The following ARHGAP24 variants were observed in gnomAD, a reference collection of about 807,000 sequenced individuals.
ARHGAP24 encodes Rho GTPase activating protein 24.
In ARHGAP24, 50 loss-of-function variants were observed where a neutral mutation model predicts 76.4. That is an observed-to-expected ratio of 0.65 (90% CI 0.52 to 0.83). ARHGAP24 has a LOEUF of 0.83. ARHGAP24 is among the 40% of genes least tolerant of loss of function. The pLI is 0.00. For missense variants in ARHGAP24, 930 were observed against 914.2 expected (o/e 1.02, Z -0.22); for synonymous variants, 345 against 323.3 (o/e 1.07, Z -0.72).
chr4:85,730,551 A>G (rs1725361845), intron 3 of ARHGAP24, among the ~76,000 whole-genome samples: 1 of 151,972 alleles, frequency 6.6e-6, no homozygotes, highest in African/African-American at 2.4e-5. Flanking sequence ...CTGGAACCAC[A>G]AGTTCACACC....
intron 3 of ARHGAP24, among the ~76,000 whole-genome samples, chr4:85,755,639 TTGTTTTG>T (rs1560617414): frequency 1.0e-5 from 1 of 99,452 alleles, no homozygotes; most frequent in African/African-American, 3.0e-5. Context: ...TTGTTTTGTT[TTGTTTTG>T]TTTTGAGACG....
intron 5 of ARHGAP24, among the ~76,000 whole-genome samples, chr4:85,943,497 A>G (rs751386620): frequency 2.6e-5 from 4 of 152,124 alleles, no homozygotes; most frequent in Non-Finnish European, 4.4e-5. Context: ...TCTGGGATAC[A>G]TGAGCAGAAC....
At chr4:85,550,197 C>A (rs186486141) in intron 1 of ARHGAP24, among the ~76,000 whole-genome samples, 1 of 152,050 alleles carries the variant, frequency 6.6e-6, no homozygotes, top group Non-Finnish European at 1.5e-5. Context: ...TCACAATGGC[C>A]GAACAAATTT....
chr4:85,973,233 T>C (rs774658863), intron 6 of ARHGAP24, among the ~76,000 whole-genome samples: 3 of 152,156 alleles, frequency 2.0e-5, no homozygotes, highest in Non-Finnish European at 2.9e-5. Context: ...CTAACACGAG[T>C]AAAGTCGTAT....
chr4:85,713,058 G>A (rs908678952), intron 2 of ARHGAP24, among the ~76,000 whole-genome samples: 2 of 152,182 alleles, frequency 1.3e-5, no homozygotes, highest in Non-Finnish European at 2.9e-5. Context: ...AGCACGTGAA[G>A]AGTCTGAGAT....
intron 5 of ARHGAP24, among the ~76,000 whole-genome samples, chr4:85,970,441 C>G (rs1309863173): frequency 2.0e-5 from 3 of 152,132 alleles, no homozygotes; most frequent in Admixed American, 6.6e-5. Flanking sequence ...GCAGCCTTGA[C>G]TAGGGTACAA....
intron 1 of ARHGAP24, among the ~76,000 whole-genome samples, chr4:85,518,757 A>T (rs1258865620): frequency 2.0e-5 from 3 of 151,770 alleles, no homozygotes; most frequent in Admixed American, 1.3e-4. Flanking sequence ...TTCTTTATCC[A>T]CTCATTGATT....
intron 8 of ARHGAP24, among the ~76,000 whole-genome samples, chr4:85,984,484 T>C (rs964595118): frequency 6.6e-6 from 1 of 152,170 alleles, no homozygotes; most frequent in African/African-American, 2.4e-5. Context: ...CTCGTACTAA[T>C]CTAATTTATG....
intron 3 of ARHGAP24, among the ~76,000 whole-genome samples, chr4:85,813,802 T>C (rs1337330586): frequency 8.0e-6 from 1 of 124,902 alleles, no homozygotes; most frequent in African/African-American, 3.0e-5. Flanking sequence ...GTTATATAAA[T>C]ATATATATAT....
chr4:86,001,127 A>T lies in ARHGAP24; in HGVS notation c.*405A>T, dbSNP rs1022676807. On this transcript the variant is annotated 3_prime_UTR_variant, in exon 10 of 10. Coordinates refer to ENST00000395184, the MANE Select transcript of ARHGAP24 (RefSeq NM_001025616.3). ...GTGTTATCATCGGCTTATTTTATAG[A>T]TCAATATTTTTATTTCCCTTTTTTG... 4 of 378,904 alleles carry T rather than the reference A, an allele frequency of 1.1e-5. No homozygotes were observed. The highest frequency in any genetic ancestry group is 1.8e-5 in the Non-Finnish European group (4 of 219,566). 23.5% of individuals were successfully genotyped at this position (378,904 alleles called of 1,614,324 possible). A position where few individuals can be genotyped will look rare whatever the true frequency, so the allele number is the denominator to read the frequency against.
intron 3 of ARHGAP24, among the ~76,000 whole-genome samples, chr4:85,792,718 T>C (rs982247678): frequency 6.6e-6 from 1 of 152,168 alleles, no homozygotes; most frequent in Non-Finnish European, 1.5e-5. Context: ...TCAGGAAATA[T>C]CTGATCACAA....
intron 1 of ARHGAP24, among the ~76,000 whole-genome samples, chr4:85,538,308 A>G (rs1725549496): frequency 6.6e-6 from 1 of 152,232 alleles, no homozygotes; most frequent in African/African-American, 2.4e-5. Flanking sequence ...TTAAATGAGC[A>G]ATGTATTTTG....
intron 1 of ARHGAP24, among the ~76,000 whole-genome samples, chr4:85,543,473 A>C (rs1388681992): frequency 1.3e-5 from 2 of 152,174 alleles, no homozygotes; most frequent in Non-Finnish European, 2.9e-5. Context: ...GAAGAATGAC[A>C]TCTTCTACTG....
intron 3 of ARHGAP24, among the ~76,000 whole-genome samples, chr4:85,863,044 C>T (rs548356601): frequency 5.6e-4 from 85 of 152,234 alleles, no homozygotes; most frequent in African/African-American, 1.9e-3. Flanking sequence ...GCTGCCTGCG[C>T]TCCTCACCAT....
chr4:85,683,319 G>C (rs933748596), intron 2 of ARHGAP24, among the ~76,000 whole-genome samples: 1 of 152,034 alleles, frequency 6.6e-6, no homozygotes, highest in Non-Finnish European at 1.5e-5. Flanking sequence ...CGTTGTAATG[G>C]TGTGGTATGA....
chr4:85,534,218 G>C (rs1041548440), intron 1 of ARHGAP24, among the ~76,000 whole-genome samples: 1 of 152,284 alleles, frequency 6.6e-6, no homozygotes, highest in Admixed American at 6.5e-5. Flanking sequence ...GGAAAGGCAA[G>C]TTTTGGGTAA....
chr4:85,816,938 T>C (rs926237939), intron 3 of ARHGAP24, among the ~76,000 whole-genome samples: 2 of 152,214 alleles, frequency 1.3e-5, no homozygotes, highest in African/African-American at 4.8e-5. Context: ...ATCTTTTGTC[T>C]TTTTGATAAT....
chr4:85,661,748 A>G (rs1348244904), intron 2 of ARHGAP24, among the ~76,000 whole-genome samples: 2 of 149,562 alleles, frequency 1.3e-5, no homozygotes, highest in African/African-American at 2.5e-5. Flanking sequence ...ATTCCCACCT[A>G]TGAGTGAGAG....
chr4:85,883,689 A>C (rs932016629), intron 3 of ARHGAP24, among the ~76,000 whole-genome samples: 2 of 152,212 alleles, frequency 1.3e-5, no homozygotes, highest in Non-Finnish European at 2.9e-5. Context: ...CTAGGAGCCA[A>C]GGATGGTGAG....
Sources: gnomAD v4.1 joint callset for allele counts (sites outside exome capture counted in the v4.1 genomes callset) on GRCh38, gnomAD v4.1.1 for gene constraint, MANE v1.5 for transcripts, NCBI Gene and HGNC (gene_info 2026-07-23, HGNC 2026-07-21) for gene names.